Variants in GDAP1L1 observed in about 807,000 individuals in gnomAD.
GDAP1L1 encodes the protein ganglioside-induced differentiation-associated protein 1-like 1.
A neutral mutation model predicts 37.1 loss-of-function variants in GDAP1L1; 21 were observed. That is an observed-to-expected ratio of 0.57 (90% CI 0.40 to 0.81). The LOEUF is 0.81. Ranked by LOEUF, GDAP1L1 falls within the 40% of genes least tolerant of loss-of-function variation. The pLI is 0.00. For synonymous variants in GDAP1L1, 193 were observed against 209.1 expected, an observed-to-expected ratio of 0.92 and a Z score of 0.67; for missense variants, 362 against 491.6, an observed-to-expected ratio of 0.74 and a Z score of 2.49.
intron 5 of GDAP1L1, 37 bp downstream of exon 5, chr20:44,264,596 C>T: frequency 1.3e-6 from 2 of 1,598,316 alleles, no homozygotes; most frequent in Non-Finnish European, 1.7e-6. Flanking sequence ...GGGCTGCAGC[C>T]CACCCAGCCT....
At chr20:44,252,003 G>A (rs958093559) in intron 1 of GDAP1L1, among the ~76,000 whole-genome samples, 4 of 152,216 alleles carry the variant, frequency 2.6e-5, no homozygotes, top group African/African-American at 9.6e-5. Context: ...TGCAACAACT[G>A]TGAAGTGATG....
intron 5 of GDAP1L1, among the ~76,000 whole-genome samples, chr20:44,269,319 G>C (rs1200114509): frequency 6.6e-6 from 1 of 152,116 alleles, no homozygotes; most frequent in African/African-American, 2.4e-5. Context: ...GATGGCAGGA[G>C]CAGCAAAGCC....
intron 5 of GDAP1L1, among the ~76,000 whole-genome samples, chr20:44,267,202 C>G (rs1007168922): frequency 2.0e-5 from 3 of 152,174 alleles, no homozygotes; most frequent in Non-Finnish European, 2.9e-5. Flanking sequence ...TTTCAACTCA[C>G]TTAATCCCCA....
At chr20:44,264,282 G>A (rs1339432849) in intron 4 of GDAP1L1, among the ~76,000 whole-genome samples, 163 bp from the exon 5 acceptor site, 2 of 151,366 alleles carry the variant, frequency 1.3e-5, no homozygotes, top group Non-Finnish European at 2.9e-5. Flanking sequence ...GACTGTTGTA[G>A]GCACCAGATG....
At chr20:44,255,321 C>T (rs1456346996) in intron 1 of GDAP1L1, among the ~76,000 whole-genome samples, 2 of 151,930 alleles carry the variant, frequency 1.3e-5, no homozygotes, top group African/African-American at 4.8e-5. Context: ...ACAGGTGGAT[C>T]GCTTGAGGTC....
intron 5 of GDAP1L1, among the ~76,000 whole-genome samples, chr20:44,278,028 C>A (rs1287076977): frequency 6.6e-6 from 1 of 151,822 alleles, no homozygotes; most frequent in Admixed American, 6.6e-5. Flanking sequence ...GTGGTGCACA[C>A]CTGTAATCCC....
intron 3 of GDAP1L1, 73 bp from the exon 4 acceptor site, chr20:44,263,157 A>T (rs1244767817): frequency 8.8e-7 from 1 of 1,135,996 alleles, no homozygotes; most frequent in Admixed American, 1.7e-5. Flanking sequence ...GCCTACTTCA[A>T]GTTGTGTAAG....
At chr20:44,251,567 T>C (rs1430745143) in intron 1 of GDAP1L1, among the ~76,000 whole-genome samples, 2 of 152,214 alleles carry the variant, frequency 1.3e-5, no homozygotes, top group Non-Finnish European at 2.9e-5. Context: ...CATGCTGCAC[T>C]TGACCGTGTA....
intron 5 of GDAP1L1, among the ~76,000 whole-genome samples, chr20:44,268,580 A>G (rs1434109316): frequency 6.6e-6 from 1 of 152,222 alleles, no homozygotes; most frequent in Non-Finnish European, 1.5e-5. Context: ...GCACACAGCG[A>G]TAAGTGTTAA....
chr20:44,258,587 A>G lies in GDAP1L1; in HGVS notation c.527A>G (p.Tyr176Cys). ...ACCACCGACTCCATGATCCCCAAGT[A>G]CGCCACGGCCGAGATCCGCAGTGAG... is the stretch of plus-strand genomic sequence containing the variant. Reference protein sequence around the residue: ...ELTTDSMIPKYATAEIRRHLA... With the variant: ...ELTTDSMIPKCATAEIRRHLA... The change falls in exon 3 of 6, where the codon TAC (tyrosine) becomes TGC (cysteine). Residue 176 changes from tyrosine (Y) to cysteine (C), a missense_variant. This residue lies in a region of GDAP1L1 where 277 missense variants were observed against 337.1 expected (regional missense o/e 0.82). Transcript: ENST00000342560. 2 of 1,601,722 alleles carry G rather than the reference A, an allele frequency of 1.2e-6. No individual in the cohort carries two copies. Among genetic ancestry groups the G allele is most frequent in the Non-Finnish European group, 1.7e-6 (2 of 1,175,012 alleles).
intron 5 of GDAP1L1, among the ~76,000 whole-genome samples, chr20:44,269,420 C>T (rs927214064): frequency 1.4e-4 from 22 of 151,998 alleles, no homozygotes; most frequent in African/African-American, 4.4e-4. Flanking sequence ...TGAGTTGTTC[C>T]GGTTTTATAT....
chr20:44,270,163 A>AG (rs1568656416), intron 5 of GDAP1L1, among the ~76,000 whole-genome samples: 1 of 144,068 alleles, frequency 6.9e-6, no homozygotes. Context: ...CAGTGTCTTA[A>AG]ATTTTTTTTT....
intron 1 of GDAP1L1, among the ~76,000 whole-genome samples, chr20:44,254,711 T>G (rs1464891535): frequency 6.6e-6 from 1 of 152,180 alleles, no homozygotes; most frequent in Non-Finnish European, 1.5e-5. Context: ...ACCTGCACCA[T>G]GCGCCCCACC....
chr20:44,264,527 C>T lies in GDAP1L1; in HGVS notation c.728C>T (p.Ala243Val), dbSNP rs200684778. 2.9e-5 allele frequency: 46 copies of T among 1,604,462 alleles called. No individual in the cohort carries two copies. Among genetic ancestry groups the T allele is most frequent in the Non-Finnish European group, 3.4e-5 (40 of 1,174,970 alleles). The change falls in exon 5 of 6, where the codon GCG becomes GTG. Residue 243 changes from alanine (A) to valine (V), a missense_variant. Coordinates refer to ENST00000342560, the MANE Select transcript of GDAP1L1 (RefSeq NM_024034.6). ...GCCATGGTGCTGGACCAGATTGAGGCGGAGCTGGAGAAGAGGAAGCTGGAG... is the reference window on the plus strand; with the variant it reads ...GCCATGGTGCTGGACCAGATTGAGGTGGAGCTGGAGAAGAGGAAGCTGGAG... Reference protein sequence around the residue: ...ELAMVLDQIEAELEKRKLENE... With the variant: ...ELAMVLDQIEVELEKRKLENE...
At chr20:44,268,341 T>C (rs8115231) in intron 5 of GDAP1L1, among the ~76,000 whole-genome samples, 3,381 of 152,298 alleles carry the variant, frequency 0.022, 130 homozygotes, top group African/African-American at 0.077. Context: ...TAGTAAATGT[T>C]GAGTATTTTG....
chr20:44,247,550 C>T, intron 1 of GDAP1L1, 36 bp downstream of exon 1: 1 of 1,460,654 alleles, frequency 6.8e-7, no homozygotes, highest in Non-Finnish European at 9.1e-7. Context: ...CGCCGGTGGC[C>T]AGGAAGCTTG....
Position 44,258,465 on chromosome 20 carries a change from C to T in GDAP1L1, c.405C>T (p.Gly135=). The part of the protein sequence containing the change: ...EHVVALMPEV[G]SLQHARVLQY... Reference sequence around the variant, plus strand: ...TGGTGGCCCTGATGCCCGAGGTGGGCAGCCTGCAGCACGCACGGGTGCTGC... The same window carrying T: ...TGGTGGCCCTGATGCCCGAGGTGGGTAGCCTGCAGCACGCACGGGTGCTGC... Residue 135 remains glycine, a synonymous_variant, in exon 3 of 6, where the codon GGC becomes GGT. Coordinates refer to ENST00000342560, the MANE Select transcript of GDAP1L1 (RefSeq NM_024034.6). 1 of 1,553,908 alleles carries T rather than the reference C, an allele frequency of 6.4e-7. No homozygotes were observed. The highest frequency in any genetic ancestry group is 2.4e-5 in the East Asian group (1 of 41,222).
At chr20:44,276,778 G>A (rs752565525) in intron 5 of GDAP1L1, among the ~76,000 whole-genome samples, 6 of 152,188 alleles carry the variant, frequency 3.9e-5, no homozygotes, top group East Asian at 1.9e-4. Context: ...CCCTGCCCTC[G>A]TGGCGTTTCC....
At chr20:44,276,672 CATCA>C (rs143843107) in intron 5 of GDAP1L1, among the ~76,000 whole-genome samples, 19,568 of 152,078 alleles carry the variant, frequency 0.13, 1,447 homozygotes, top group Middle Eastern at 0.19. Flanking sequence ...TTTTTTCATT[CATCA>C]ATCATTCAGT....
Sources: allele counts gnomAD v4.1 joint callset (sites outside exome capture counted in the v4.1 genomes callset), GRCh38; gene constraint gnomAD v4.1.1; regional missense constraint gnomAD v4.1.1; transcripts MANE v1.5; gene names NCBI Gene and HGNC (gene_info 2026-07-23, HGNC 2026-07-21).